UMAD1: variants seen among roughly 807,000 people sequenced by gnomAD.
UMAD1 encodes the protein UBAP1-MVB12-associated (UMA)-domain containing protein 1.
UMAD1 carries 8 observed loss-of-function variants against 6.1 expected under a neutral mutation model. That is an observed-to-expected ratio of 1.30 (90% CI 0.76 to 2.35). The LOEUF is 2.35. UMAD1 is among the 30% of genes most tolerant of loss of function. The pLI is 0.00. For synonymous variants in UMAD1, 56 were observed against 31.4 expected (o/e 1.78, Z -2.61); for missense variants, 130 against 78.4 (o/e 1.66, Z -2.49).
intron 2 of UMAD1, among the ~76,000 whole-genome samples, chr7:7,780,175 A>G (rs1726163163): frequency 6.6e-6 from 1 of 152,184 alleles, no homozygotes; most frequent in African/African-American, 2.4e-5. Context: ...TGTCTTAACA[A>G]CCATTGCCAT....
intron 2 of UMAD1, among the ~76,000 whole-genome samples, chr7:7,734,861 T>C (rs537007509): frequency 7.0e-4 from 106 of 152,306 alleles, no homozygotes; most frequent in African/African-American, 2.4e-3. Context: ...CCCAAGTGTA[T>C]TAACAATGCT....
intron 2 of UMAD1, among the ~76,000 whole-genome samples, chr7:7,701,223 C>G (rs1201038744): frequency 6.6e-6 from 1 of 151,232 alleles, no homozygotes; most frequent in South Asian, 2.1e-4. Flanking sequence ...TGAACTGTAT[C>G]ATTTCCTCTC....
chr7:7,769,494 C>A (rs1782059539), intron 2 of UMAD1, among the ~76,000 whole-genome samples: 1 of 152,118 alleles, frequency 6.6e-6, no homozygotes, highest in Non-Finnish European at 1.5e-5. Flanking sequence ...CCCCCACTGA[C>A]AGGATGGGCG....
chr7:7,670,622 G>A (rs1026825553), intron 1 of UMAD1, among the ~76,000 whole-genome samples: 2 of 152,150 alleles, frequency 1.3e-5, no homozygotes, highest in African/African-American at 4.8e-5. Flanking sequence ...ATAGCATCAT[G>A]CTCAAAGTTC....
chr7:7,817,262 C>G (rs6957911), intron 3 of UMAD1, among the ~76,000 whole-genome samples: 140,175 of 152,210 alleles, frequency 0.92, 64,715 homozygotes, highest in African/African-American at 0.98. Flanking sequence ...CCTTGTACAT[C>G]TGACCAGGAG....
chr7:7,666,032 G>T (rs1779444556), intron 1 of UMAD1, among the ~76,000 whole-genome samples: 1 of 151,822 alleles, frequency 6.6e-6, no homozygotes, highest in Non-Finnish European at 1.5e-5. Flanking sequence ...TTTCCTAAGG[G>T]CTAAGTTATA....
chr7:7,663,404 G>A (rs947018422), intron 1 of UMAD1, among the ~76,000 whole-genome samples: 2 of 152,104 alleles, frequency 1.3e-5, no homozygotes, highest in African/African-American at 4.8e-5. Context: ...GCTGAAAAGT[G>A]ACATCAGTTT....
intron 2 of UMAD1, among the ~76,000 whole-genome samples, chr7:7,727,418 CCTT>C (rs1288832934): frequency 2.6e-5 from 4 of 152,026 alleles, no homozygotes; most frequent in Non-Finnish European, 1.5e-5. Context: ...ATAATTATGA[CCTT>C]ATTATTGTCT....
At chr7:7,864,602 TACACACACAC>T (rs59036228) in intron 3 of UMAD1, among the ~76,000 whole-genome samples, 4,376 of 140,222 alleles carry the variant, frequency 0.031, 171 homozygotes, top group African/African-American at 0.094. Context: ...ACATGAAAAC[TACACACACAC>T]ACACACACAC....
chr7:7,817,168 G>A (rs1464660114), intron 3 of UMAD1, among the ~76,000 whole-genome samples: 2 of 152,176 alleles, frequency 1.3e-5, no homozygotes, highest in East Asian at 1.9e-4. Flanking sequence ...TGTTCACTGA[G>A]CAAATTCCTG....
intron 2 of UMAD1, chr7:7,676,320 T>G (rs1779737814): frequency 2.5e-6 from 1 of 393,426 alleles, no homozygotes; most frequent in East Asian, 3.6e-5. Context: ...TGTAAAATGT[T>G]TAGAAAAACC....
chr7:7,670,527 A>G (rs186926127), intron 1 of UMAD1, among the ~76,000 whole-genome samples: 4 of 152,276 alleles, frequency 2.6e-5, no homozygotes, highest in African/African-American at 4.8e-5. Context: ...TGTGTTCACC[A>G]TATATTCAGA....
At chr7:7,721,630 C>G (rs1283043437) in intron 2 of UMAD1, among the ~76,000 whole-genome samples, 1 of 152,210 alleles carries the variant, frequency 6.6e-6, no homozygotes, top group East Asian at 1.9e-4. Flanking sequence ...ACTTCCACCC[C>G]AGGAAAGATC....
rs116717281 is a variant in UMAD1, at chr7:7,829,370, T to G, written c.156+27627T>G. Among the ~76,000 whole-genome samples, 596 of 152,340 alleles carry G rather than the reference T, an allele frequency of 3.9e-3. 3 individuals carry two copies. The highest frequency in any genetic ancestry group is 0.014 in the African/African-American group (571 of 41,578). On this transcript the variant is annotated intron_variant, in intron 3 of 3. Coordinates refer to ENST00000682710, the MANE Select transcript of UMAD1 (RefSeq NM_001302348.2). ...TGTTTGACTTTAATTCTTGAATTTA[T>G]TCATTCAGCATGTAATTTTTAAGCA...
At chr7:7,821,871 A>G (rs947603958) in intron 3 of UMAD1, among the ~76,000 whole-genome samples, 6 of 152,164 alleles carry the variant, frequency 3.9e-5, no homozygotes, top group African/African-American at 1.2e-4. Flanking sequence ...CAGAGACCCA[A>G]TTCATGTTTT....
intron 2 of UMAD1, among the ~76,000 whole-genome samples, chr7:7,799,057 A>T (rs917052118): frequency 2.6e-5 from 4 of 152,224 alleles, no homozygotes; most frequent in South Asian, 2.1e-4. Flanking sequence ...ACCTTATTTC[A>T]TATTTCTCAT....
chr7:7,857,775 C>A (rs925891963), intron 3 of UMAD1, among the ~76,000 whole-genome samples: 1 of 152,160 alleles, frequency 6.6e-6, no homozygotes, highest in Admixed American at 6.5e-5. Flanking sequence ...AATACAACAG[C>A]CAACAATGTT....
chr7:7,759,703 G>A (rs1033182545), intron 2 of UMAD1, among the ~76,000 whole-genome samples: 3 of 152,166 alleles, frequency 2.0e-5, no homozygotes, highest in African/African-American at 7.2e-5. Flanking sequence ...CTTTAGGGAT[G>A]AAGACCTTAA....
rs191975870 is a variant in UMAD1 at position 7,686,403 on chromosome 7, T to C, written c.82+12950T>C. 3.9e-5 allele frequency among the ~76,000 whole-genome samples: 6 copies of C among 152,312 alleles called. No homozygotes were observed. The East Asian group carries it at 1.2e-3, about 29-fold the overall frequency. ...AGACCATTTTAAAGCAGTAAAGTTA[T>C]GGGTTTTGTTTTTTTGTATTTTTTA... On this transcript the variant is annotated intron_variant, in intron 2 of 3. Coordinates refer to ENST00000682710, the MANE Select transcript of UMAD1 (RefSeq NM_001302348.2).
Sources: allele counts gnomAD v4.1 joint callset (sites outside exome capture counted in the v4.1 genomes callset), GRCh38; gene constraint gnomAD v4.1.1; transcripts MANE v1.5; gene names NCBI Gene and HGNC (gene_info 2026-07-23, HGNC 2026-07-21).